Variants in HOMER2 observed in about 807,000 individuals in gnomAD.
HOMER2 encodes homer protein homolog 2.
Under a neutral mutation model 47.0 loss-of-function variants are expected in HOMER2, and 27 were observed. The observed-to-expected ratio is 0.57, with a 90% CI of 0.42 to 0.79. The LOEUF (loss-of-function observed/expected upper bound fraction) is 0.79, where lower values mean the gene tolerates loss of function less well. HOMER2 is among the 30% of genes least tolerant of loss of function. HOMER2 has a pLI of 0.00. For missense variants in HOMER2, 443 were observed against 435.0 expected (o/e 1.02, Z -0.16); for synonymous variants, 161 against 163.8 (o/e 0.98, Z 0.13).
In HOMER2 at chr15:82,850,670, G is replaced by A. The variant is rs77236283; in HGVS notation, c.843+481C>T. Reference sequence around the variant, plus strand: ...GGGTCATGTAACTACATGAAGCGCCGTGTGCATATCAGAGGACCTGCAGGG... The same window carrying A: ...GGGTCATGTAACTACATGAAGCGCCATGTGCATATCAGAGGACCTGCAGGG... On this transcript the variant is annotated intron_variant, in intron 8 of 8. Coordinates refer to ENST00000450735, the MANE Select transcript of HOMER2 (RefSeq NM_004839.4). Among the ~76,000 whole-genome samples, 20 of 152,326 alleles carry A rather than the reference G, an allele frequency of 1.3e-4. No homozygotes were observed. In the East Asian group the frequency reaches 1.9e-3, roughly 15 times the overall value.
chr15:82,852,209 T>A lies in HOMER2; in HGVS notation c.695A>T (p.Lys232Met). The A allele has an allele frequency of 1.2e-6, 2 of 1,613,976 alleles. No individual in the cohort carries two copies. Among genetic ancestry groups the A allele is most frequent in the Non-Finnish European group, 1.7e-6 (2 of 1,179,882 alleles). Reference protein sequence around the residue: ...EEQCSEINREKEKNTQLKRRI... With the variant: ...EEQCSEINREMEKNTQLKRRI... ...CCTCTTCAGCTGCGTGTTCTTCTCC[T>A]TCTCTCTGTTGATCTCACTGCATTG... The change falls in exon 7 of 9, where the codon AAG becomes ATG. Residue 232 changes from lysine to methionine, a missense_variant. Transcript: ENST00000450735.
At chr15:82,918,719 A>G (rs1459574347) in intron 1 of HOMER2, among the ~76,000 whole-genome samples, 1 of 152,130 alleles carries the variant, frequency 6.6e-6, no homozygotes, top group Non-Finnish European at 1.5e-5. Flanking sequence ...ATCTGTCACT[A>G]TGGCAGAAAC....
chr15:82,894,817 C>A (rs72755910), intron 1 of HOMER2, among the ~76,000 whole-genome samples: 30 of 140,120 alleles, frequency 2.1e-4, no homozygotes, highest in Non-Finnish European at 3.4e-4. Context: ...GAGACATAGA[C>A]AAGATACAAA....
Position 82,981,645 on chromosome 15 carries a change from A to G in HOMER2, n.82+4142T>C, listed in dbSNP as rs59582187. On this transcript the variant is annotated intron_variant and non_coding_transcript_variant, in intron 1 of 1. Transcript: ENST00000500334. ...TTAATAGATGAATGGATAACAAAAT[A>G]TGGTGTAAACATACAATGCAATATT... 6.5e-3 allele frequency among the ~76,000 whole-genome samples: 998 copies of G among 152,370 alleles called. 9 individuals carry two copies. The highest frequency in any genetic ancestry group is 0.023 in the African/African-American group (960 of 41,592).
intron 3 of HOMER2, among the ~76,000 whole-genome samples, chr15:82,872,017 A>G (rs933431490): frequency 6.6e-6 from 1 of 152,320 alleles, no homozygotes; most frequent in Non-Finnish European, 1.5e-5. Flanking sequence ...ACAGGAGCAC[A>G]TGACCAGGAC....
At chr15:82,868,458 G>A (rs1046063180) in intron 3 of HOMER2, among the ~76,000 whole-genome samples, 1 of 143,124 alleles carries the variant, frequency 7.0e-6, no homozygotes, top group African/African-American at 2.6e-5. Flanking sequence ...GGAGGGAGAT[G>A]ATCTGGAAAA....
At chr15:82,864,622 C>T (rs1486323493) in intron 3 of HOMER2, among the ~76,000 whole-genome samples, 1 of 152,038 alleles carries the variant, frequency 6.6e-6, no homozygotes, top group Non-Finnish European at 1.5e-5. Context: ...TAGATGAATA[C>T]TAAGTATTTA....
chr15:82,891,921 G>A (rs973924493), intron 2 of HOMER2, among the ~76,000 whole-genome samples: 15 of 151,896 alleles, frequency 9.9e-5, no homozygotes, highest in African/African-American at 3.6e-4. Flanking sequence ...AATTCCAGGT[G>A]GCAGCAGATA....
intron 1 of HOMER2, among the ~76,000 whole-genome samples, chr15:82,965,789 C>T (rs987689413): frequency 2.0e-5 from 3 of 150,232 alleles, no homozygotes; most frequent in Admixed American, 6.6e-5. Context: ...TTTTATTTTC[C>T]AGCAGATAAA....
chr15:82,910,634 T>C (rs555111340), intron 1 of HOMER2, among the ~76,000 whole-genome samples: 1 of 152,302 alleles, frequency 6.6e-6, no homozygotes, highest in African/African-American at 2.4e-5. Context: ...ATGCCTGCTT[T>C]AGATAATAGG....
intron 1 of HOMER2, among the ~76,000 whole-genome samples, chr15:82,936,544 TA>T (rs1239239186): frequency 6.6e-5 from 10 of 152,194 alleles, no homozygotes; most frequent in African/African-American, 2.4e-4. Flanking sequence ...CTGGAAAACT[TA>T]AAATTACATA....
intron 1 of HOMER2, among the ~76,000 whole-genome samples, chr15:82,946,585 C>T (rs1020308015): frequency 6.6e-6 from 1 of 152,166 alleles, no homozygotes; most frequent in Non-Finnish European, 1.5e-5. Flanking sequence ...TTAATGCCTC[C>T]TTCTCAGTGA....
intron 1 of HOMER2, among the ~76,000 whole-genome samples, chr15:82,981,316 C>T (rs535856978): frequency 6.6e-6 from 1 of 152,296 alleles, no homozygotes; most frequent in South Asian, 2.1e-4. Context: ...TCTTTTGATG[C>T]CAGCATTCCC....
At chr15:82,951,907 G>A (rs1192282236) in intron 1 of HOMER2, 1 of 293,834 alleles carries the variant, frequency 3.4e-6, no homozygotes, top group African/African-American at 2.3e-5. Context: ...CGAGGGGAAA[G>A]CTTAAATTAC....
intron 2 of HOMER2, among the ~76,000 whole-genome samples, chr15:82,882,706 G>T (rs1260840721): frequency 6.6e-6 from 1 of 152,166 alleles, no homozygotes; most frequent in Non-Finnish European, 1.5e-5. Flanking sequence ...CACATGCTTG[G>T]ACAGGGCAGA....
intron 5 of HOMER2, among the ~76,000 whole-genome samples, chr15:82,856,743 A>G (rs1052137441): frequency 1.3e-5 from 2 of 152,216 alleles, no homozygotes; most frequent in Admixed American, 6.5e-5. Context: ...AGGGGGTTGG[A>G]TCTAAGGGTC....
chr15:82,895,982 A>C (rs1345475683), intron 1 of HOMER2, among the ~76,000 whole-genome samples: 2 of 152,136 alleles, frequency 1.3e-5, no homozygotes, highest in African/African-American at 4.8e-5. Context: ...AAAAGAAAAA[A>C]AGAAGTGGCC....
downstream of HOMER2, chr15:82,845,951 T>C (rs1373714025): frequency 6.6e-6 from 1 of 152,262 alleles, no homozygotes; most frequent in African/African-American, 2.4e-5. Context: ...TCAAATGTAG[T>C]CCACAGCAGG....
chr15:82,942,597 C>T (rs2054288414), intron 1 of HOMER2, among the ~76,000 whole-genome samples: 1 of 152,212 alleles, frequency 6.6e-6, no homozygotes, highest in Non-Finnish European at 1.5e-5. Flanking sequence ...TAGGTCACTG[C>T]TGAATGAATG....
Sources: allele counts gnomAD v4.1 joint callset (sites outside exome capture counted in the v4.1 genomes callset), GRCh38; gene constraint gnomAD v4.1.1; transcripts MANE v1.5; gene names NCBI Gene and HGNC (gene_info 2026-07-23, HGNC 2026-07-21).